The following NUP62CL variants were observed in gnomAD, a reference collection of about 807,000 sequenced individuals.
NUP62CL encodes nucleoporin-62 C-terminal-like protein.
Under a neutral mutation model 15.3 loss-of-function variants are expected in NUP62CL, and 13 were observed. That is an observed-to-expected ratio of 0.85 (90% CI 0.55 to 1.35). NUP62CL has a LOEUF of 1.35. NUP62CL is among the 40% of genes most tolerant of loss of function. The probability of loss-of-function intolerance (pLI) is 0.00; values close to 1 mark genes in which losing one functional copy is unlikely to be tolerated. For missense variants in NUP62CL, 123 were observed against 130.6 expected (o/e 0.94, Z 0.28); for synonymous variants, 54 against 49.2 (o/e 1.10, Z -0.41).
chrX:107,166,570 G>A (rs1016871689), intron 4 of NUP62CL, among the ~76,000 whole-genome samples: 1 of 111,336 alleles, frequency 9.0e-6, no homozygotes, highest in East Asian at 2.8e-4. Flanking sequence ...GCACTCCTAG[G>A]CATTTATCCC....
intron 1 of NUP62CL, among the ~76,000 whole-genome samples, chrX:107,195,986 T>C (rs1407200551): frequency 2.7e-5 from 3 of 111,595 alleles, no homozygotes; most frequent in Non-Finnish European, 3.8e-5. Context: ...GTAAAAGAAA[T>C]TGACAAACAC....
chrX:107,127,373 T>C lies in NUP62CL; in HGVS notation c.*43-3041A>G, dbSNP rs1403143818. ...AAAAAGTGTTCTAATACTGGATTGTTTGATGTCTGTACAACTCTATAGGCC... is the reference window on the plus strand; with the variant it reads ...AAAAAGTGTTCTAATACTGGATTGTCTGATGTCTGTACAACTCTATAGGCC... On this transcript the variant is annotated intron_variant, in intron 8 of 8. Coordinates refer to ENST00000372466, the MANE Select transcript of NUP62CL (RefSeq NM_017681.3). Among the ~76,000 whole-genome samples, 6 of 111,930 alleles carry C rather than the reference T, an allele frequency of 5.4e-5. No homozygotes were observed. The Admixed American group carries it at 5.7e-4, about 11-fold the overall frequency.
chrX:107,132,449 A>C (rs1243210947), intron 8 of NUP62CL, among the ~76,000 whole-genome samples: 4 of 112,306 alleles, frequency 3.6e-5, no homozygotes. Context: ...GGGACCAGAC[A>C]TGAATTGGAT....
chrX:107,154,948 G>A (rs1183079834), intron 4 of NUP62CL, among the ~76,000 whole-genome samples: 2 of 112,052 alleles, frequency 1.8e-5, no homozygotes, highest in African/African-American at 6.5e-5. Flanking sequence ...CAATGAGGCA[G>A]AATGAGGCAG....
chrX:107,126,376 A>G (rs1051573432), intron 8 of NUP62CL, among the ~76,000 whole-genome samples: 2 of 112,341 alleles, frequency 1.8e-5, no homozygotes, highest in African/African-American at 6.5e-5. Context: ...ATAGAAATAG[A>G]CAAGCTTAAT....
At chrX:107,153,560 T>C in intron 5 of NUP62CL, 57 bp from the exon 6 acceptor site, 1 of 739,966 alleles carries the variant, frequency 1.4e-6, no homozygotes, top group Non-Finnish European at 1.9e-6. Context: ...ATAACAATTT[T>C]AGAGCAATAT....
chrX:107,177,057 T>A (rs1396058261), intron 2 of NUP62CL, among the ~76,000 whole-genome samples: 1 of 111,368 alleles, frequency 9.0e-6, no homozygotes, highest in Non-Finnish European at 1.9e-5. Context: ...TGATCACGAA[T>A]ACAGAAAATT....
chrX:107,173,215 A>G (rs1049275455), intron 3 of NUP62CL, among the ~76,000 whole-genome samples: 6 of 112,415 alleles, frequency 5.3e-5, no homozygotes, highest in Non-Finnish European at 7.5e-5. Flanking sequence ...ACTTTTGGTT[A>G]AACTTCAAAA....
At chrX:107,132,050 T>A (rs183862305) in intron 8 of NUP62CL, 2 of 1,068,813 alleles carry the variant, frequency 1.9e-6, no homozygotes, top group Admixed American at 2.2e-5. Flanking sequence ...CCCAACATGA[T>A]TTGTAGCTTT....
chrX:107,147,778 T>C lies in NUP62CL; in HGVS notation c.*7A>G. 2 of 1,199,215 alleles carry C rather than the reference T, an allele frequency of 1.7e-6. No homozygotes were observed. Among genetic ancestry groups the C allele is most frequent in the South Asian group, 1.8e-5 (1 of 56,560 alleles). On this transcript the variant is annotated 3_prime_UTR_variant, in exon 8 of 9. Transcript: ENST00000372466. ...ATCAATCCACTGCAGGGAGTCCATA[T>C]GGGCATTCAGAATTCTGCAGATCTG...
At chrX:107,197,045 G>A (rs1927374714) in intron 1 of NUP62CL, among the ~76,000 whole-genome samples, 1 of 111,647 alleles carries the variant, frequency 9.0e-6, no homozygotes, top group Admixed American at 9.5e-5. Context: ...CAGTCTCTTA[G>A]TGAGTTTAAC....
chrX:107,156,187 G>A (rs1224662485), intron 4 of NUP62CL, among the ~76,000 whole-genome samples: 1 of 111,961 alleles, frequency 8.9e-6, no homozygotes, highest in African/African-American at 3.3e-5. Context: ...CTGCAAGGCG[G>A]CAGCCAGGCT....
chrX:107,127,692 A>T (rs1399131994), intron 8 of NUP62CL, among the ~76,000 whole-genome samples: 1 of 111,643 alleles, frequency 9.0e-6, no homozygotes. Context: ...ATGAGATTAA[A>T]TTCACTGTCA....
At chrX:107,151,515 CCACACACACACA>C (rs59950269) in intron 7 of NUP62CL, among the ~76,000 whole-genome samples, 4 of 98,750 alleles carry the variant, frequency 4.1e-5, no homozygotes, top group Non-Finnish European at 8.2e-5. Flanking sequence ...TCCACCCAAA[CCACACACACACA>C]CACACACACA....
chrX:107,155,090 A>C (rs1602645146), intron 4 of NUP62CL, among the ~76,000 whole-genome samples: 1 of 111,232 alleles, frequency 9.0e-6, no homozygotes, highest in African/African-American at 3.3e-5. Flanking sequence ...TAGGGATCCC[A>C]CTTCCTGCCA....
chrX:107,175,816 A>C (rs1926768430), intron 2 of NUP62CL, among the ~76,000 whole-genome samples: 1 of 111,346 alleles, frequency 9.0e-6, no homozygotes, highest in South Asian at 3.8e-4. Context: ...AAAGGTAGCC[A>C]GCATTTCTTA....
rs1369714604 is a variant in NUP62CL, at chrX:107,153,445, A to C, written c.395+9T>G. 8.7e-7 allele frequency: 1 copy of C among 1,154,499 alleles called. No homozygotes were observed. The highest frequency in any genetic ancestry group is 1.2e-6 in the Non-Finnish European group (1 of 866,874). ...TTAATCTTTCAACCAAGGAAATCTA[A>C]GGTTCTACCTTTTCTGATCCAGTTT... On this transcript the variant is annotated intron_variant, in intron 6 of 8. Transcript: ENST00000372466.
intron 3 of NUP62CL, among the ~76,000 whole-genome samples, chrX:107,169,191 C>T (rs1346967194): frequency 1.8e-5 from 2 of 111,369 alleles, no homozygotes; most frequent in Non-Finnish European, 3.8e-5. Flanking sequence ...GGCAAAAAGA[C>T]TTGATAGGAC....
intron 4 of NUP62CL, among the ~76,000 whole-genome samples, chrX:107,155,587 T>C (rs1341606734): frequency 8.9e-6 from 1 of 111,908 alleles, no homozygotes; most frequent in South Asian, 3.8e-4. Flanking sequence ...AGTGCTCCAC[T>C]TTTGCTGGAG....
Sources: allele counts gnomAD v4.1 joint callset (sites outside exome capture counted in the v4.1 genomes callset), GRCh38; gene constraint gnomAD v4.1.1; transcripts MANE v1.5; gene names NCBI Gene and HGNC (gene_info 2026-07-23, HGNC 2026-07-21).